The following GAPDH variants were observed in gnomAD, a reference collection of about 807,000 sequenced individuals.
The protein encoded by GAPDH is glyceraldehyde-3-phosphate dehydrogenase.
GAPDH carries 13 observed loss-of-function variants against 31.2 expected under a neutral mutation model. That is an observed-to-expected ratio of 0.42 (90% confidence interval 0.27 to 0.66). The LOEUF is 0.66. Ranked by LOEUF, GAPDH falls within the 30% of genes least tolerant of loss-of-function variation. The pLI is 0.26. For synonymous variants in GAPDH, 211 were observed against 166.9 expected (o/e 1.26, Z -2.04); for missense variants, 300 against 443.7 (o/e 0.68, Z 2.91).
At position 6,538,208 on chromosome 12, in the gene GAPDH, G is replaced by C. The variant is rs1469465793; in HGVS notation, c.*38G>C. ...ACCAGCCCCAGCAAGAGCACAAGAG[G>C]AAGAGAGAGACCCTCACTGCTGGGG... On this transcript the variant is annotated 3_prime_UTR_variant, in exon 9 of 9. Transcript: ENST00000229239. 6.5e-7 allele frequency: 1 copy of C among 1,533,054 alleles called. No homozygotes were observed. Among genetic ancestry groups the C allele is most frequent in the Non-Finnish European group, 8.9e-7 (1 of 1,118,540 alleles). The allele number at this position is 1,533,054 out of a possible 1,614,324, so 95.0% of individuals were successfully genotyped here. A position where few individuals can be genotyped will look rare whatever the true frequency, so the allele number is the denominator to read the frequency against.
chr12:6,535,335 A>T (rs935042098), intron 2 of GAPDH: 1 of 994,144 alleles, frequency 1.0e-6, no homozygotes, highest in South Asian at 4.4e-5. Flanking sequence ...GGCAGCCGTT[A>T]GGAAAGCCTG....
chr12:6,535,053 C>T (rs1946431482), intron 2 of GAPDH, 192 bp downstream of exon 2: 1 of 795,014 alleles, frequency 1.3e-6, no homozygotes, highest in Non-Finnish European at 1.9e-6. Flanking sequence ...CAGCTCCGCC[C>T]TTGCGGCGCC....
At position 6,538,341 on chromosome 12, in the gene GAPDH, T is replaced by C. The variant is rs1448979776; in HGVS notation, c.*171T>C. 1.6e-6 allele frequency: 1 copy of C among 615,062 alleles called. No individual in the cohort carries two copies. The highest frequency in any genetic ancestry group is 2.9e-6 in the Non-Finnish European group (1 of 345,322). The allele number at this position is 615,062 out of a possible 1,614,324, so 38.1% of individuals were successfully genotyped here. A position where few individuals can be genotyped will look rare whatever the true frequency, so the allele number is the denominator to read the frequency against. ...GCCTAGGGAGCCGCACCTTGTCATG[T>C]ACCATCAATAAAGTACCCTGTGCTC... On this transcript the variant is annotated 3_prime_UTR_variant, in exon 9 of 9. Transcript: ENST00000229239.
chr12:6,537,819 A>G lies in GAPDH; in HGVS notation c.761A>G (p.Lys254Arg), dbSNP rs1946517407. Reference sequence around the variant, plus strand: ...ACCTGCCGTCTAGAAAAACCTGCCAAATATGATGACATCAAGAAGGTGGTG... The same window carrying G: ...ACCTGCCGTCTAGAAAAACCTGCCAGATATGATGACATCAAGAAGGTGGTG... ...DLTCRLEKPA[K>R]YDDIKKVVKQ... The change falls in exon 8 of 9, where the codon AAA (lysine) becomes AGA (arginine). Residue 254 changes from lysine (K) to arginine (R), a missense_variant. Lys to Arg is a conservative substitution (Grantham distance 26). Coordinates refer to ENST00000229239, the MANE Select transcript of GAPDH (RefSeq NM_002046.7). The surrounding 1 kb of genome is among the most constrained non-coding windows in gnomAD (Gnocchi z 4.9). 3 of 1,611,930 alleles carry G rather than the reference A, an allele frequency of 1.9e-6. No individual in the cohort carries two copies. The highest frequency in any genetic ancestry group is 2.5e-6 in the Non-Finnish European group (3 of 1,179,876).
chr12:6,537,667 C>T lies in GAPDH; in HGVS notation c.609C>T (p.Leu203=). ...GKLWRDGRGA[L]QNIIPASTGA... ...TGTGGCGTGATGGCCGCGGGGCTCT[C>T]CAGAACATCATCCCTGCCTCTACTG... Residue 203 remains leucine (L), a synonymous_variant, in exon 8 of 9, where the codon CTC becomes CTT. Coordinates refer to ENST00000229239, the MANE Select transcript of GAPDH (RefSeq NM_002046.7). The surrounding 1 kb of genome is among the most constrained non-coding windows in gnomAD (Gnocchi z 4.9). 6.2e-7 allele frequency: 1 copy of T among 1,611,466 alleles called. No homozygotes were observed. The highest frequency in any genetic ancestry group is 1.1e-5 in the South Asian group (1 of 90,982).
rs763380786 is a variant in GAPDH, at chr12:6,536,679, C to T, written c.130-5C>T. ...GCCCCTTCATACCCTCACGTATTCC[C>T]CCAGGTTTACATGTTCCAATATGAT... On this transcript the variant is annotated splice_polypyrimidine_tract_variant and splice_region_variant and intron_variant, in intron 3 of 8. Coordinates refer to ENST00000229239, the MANE Select transcript of GAPDH (RefSeq NM_002046.7). 1.2e-6 allele frequency: 2 copies of T among 1,607,424 alleles called. No homozygotes were observed. Among genetic ancestry groups the T allele is most frequent in the Non-Finnish European group, 1.7e-6 (2 of 1,177,716 alleles).
intron 2 of GAPDH, chr12:6,535,446 A>C (rs1424168778): frequency 1.0e-6 from 1 of 987,444 alleles, no homozygotes; most frequent in Non-Finnish European, 1.2e-6. Context: ...CCTCCGGGTG[A>C]TGCTTTTCCT....
At chr12:6,535,290 C>T (rs1487900462) in intron 2 of GAPDH, 2 of 1,008,504 alleles carry the variant, frequency 2.0e-6, no homozygotes, top group African/African-American at 3.4e-5. Flanking sequence ...TGCGGTAGAG[C>T]GGCCGCCATG....
chr12:6,534,655 C>CAT, intron 1 of GAPDH, 86 bp downstream of exon 1: 1 of 706,910 alleles, frequency 1.4e-6, no homozygotes. Context: ...GTTCGCGCCG[C>CAT]TGCGGGGTGG....
intron 2 of GAPDH, among the ~76,000 whole-genome samples, chr12:6,535,864 C>T (rs1453000446): frequency 2.0e-5 from 3 of 152,212 alleles, no homozygotes; most frequent in Non-Finnish European, 2.9e-5. Flanking sequence ...GGGCTCTCTC[C>T]CATCCCTTCT....
intron 2 of GAPDH, chr12:6,535,088 A>C (rs1012018503): frequency 3.9e-6 from 3 of 769,796 alleles, no homozygotes; most frequent in African/African-American, 1.9e-5. Context: ...TCCTTCCCCT[A>C]GTCCCCAGAA....
chr12:6,537,271 C>A lies in GAPDH; in HGVS notation c.444-38C>A. ...GCCAGCCTGGCACCCTATGGACACG[C>A]TCCCCTGACTTGCGCCCCGCTCCCT... On this transcript the variant is annotated intron_variant, in intron 6 of 8. Transcript: ENST00000229239. This position sits in a 1 kb window ranked among gnomAD's most constrained non-coding sequence, Gnocchi z 4.9. 6.3e-7 allele frequency: 1 copy of A among 1,598,292 alleles called. No homozygotes were observed. The highest frequency in any genetic ancestry group is 8.5e-7 in the Non-Finnish European group (1 of 1,176,448).
Position 6,537,257 on chromosome 12 carries a change from A to ACCCTATGGACACGCT in GAPDH, c.443+45_444-34dup. 3 of 1,596,588 alleles carry ACCCTATGGACACGCT rather than the reference A, an allele frequency of 1.9e-6. No individual in the cohort carries two copies. In the South Asian group the frequency reaches 3.5e-5, roughly 18 times the overall value. On this transcript the variant is annotated intron_variant, in intron 6 of 8. Coordinates refer to ENST00000229239, the MANE Select transcript of GAPDH (RefSeq NM_002046.7). This position sits in a 1 kb window ranked among gnomAD's most constrained non-coding sequence, Gnocchi z 4.9. The stretch of plus-strand genomic sequence containing the variant: ...CCCGTGGAGAAGCGGCCAGCCTGGC[A>ACCCTATGGACACGCT]CCCTATGGACACGCTCCCCTGACTT...
rs11549349 is a variant in GAPDH at position 6,537,121 on chromosome 12, C to T, written c.348C>T (p.Ala116=). The T allele has an allele frequency of 9.3e-6, 15 of 1,613,592 alleles. No individual in the cohort carries two copies. The African/African-American group carries it at 1.9e-4, about 20-fold the overall frequency. Residue 116 remains alanine (A), a synonymous_variant, in exon 6 of 9, where the codon GCC becomes GCT. Transcript: ENST00000229239. The surrounding 1 kb of genome is among the most constrained non-coding windows in gnomAD (Gnocchi z 4.9). The stretch of plus-strand genomic sequence containing the variant: ...TGTAGGCTCATTTGCAGGGGGGAGC[C>T]AAAAGGGTCATCATCTCTGCCCCCT... ...EKAGAHLQGG[A]KRVIISAPSA...
chr12:6,535,628 C>T (rs941751514), intron 2 of GAPDH, among the ~76,000 whole-genome samples: 6 of 152,156 alleles, frequency 3.9e-5, no homozygotes, highest in Non-Finnish European at 7.4e-5. Flanking sequence ...TGGCCCCTTC[C>T]TGCAGCGCCG....
Position 6,537,784 on chromosome 12 carries a change from G to A in GAPDH, c.726G>A (p.Val242=). ...AFRVPTANVS[V]VDLTCRLEKP... ...GTGTCCCCACTGCCAACGTGTCAGTGGTGGACCTGACCTGCCGTCTAGAAA... is the reference window on the plus strand; with the variant it reads ...GTGTCCCCACTGCCAACGTGTCAGTAGTGGACCTGACCTGCCGTCTAGAAA... The change falls in exon 8 of 9, where the codon GTG becomes GTA. Residue 242 remains valine (V), a synonymous_variant. Transcript: ENST00000229239. The surrounding 1 kb of genome is among the most constrained non-coding windows in gnomAD (Gnocchi z 4.9). 6.2e-7 allele frequency: 1 copy of A among 1,611,738 alleles called. No individual in the cohort carries two copies. The highest frequency in any genetic ancestry group is 1.7e-5 in the Admixed American group (1 of 60,008).
At chr12:6,535,415 A>G in intron 2 of GAPDH, 1 of 988,406 alleles carries the variant, frequency 1.0e-6, no homozygotes, top group Non-Finnish European at 1.2e-6. Flanking sequence ...AGGTGGAGCG[A>G]GGCTAGCTGG....
chr12:6,535,533 C>T, intron 2 of GAPDH: 2 of 816,560 alleles, frequency 2.4e-6, no homozygotes, highest in Non-Finnish European at 3.0e-6. Flanking sequence ...GGTGTGGTGG[C>T]TGTGGCATGG....
At chr12:6,535,439 C>T (rs1313749374) in intron 2 of GAPDH, 2 of 987,500 alleles carry the variant, frequency 2.0e-6, no homozygotes, top group African/African-American at 1.7e-5. Flanking sequence ...GATTTCTCCT[C>T]CGGGTGATGC....
Sources: gnomAD v4.1 joint callset for allele counts (sites outside exome capture counted in the v4.1 genomes callset) on GRCh38, gnomAD v4.1.1 for gene constraint, Gnocchi (gnomAD v3.1) non-coding constraint, MANE v1.5 for transcripts, NCBI Gene and HGNC (gene_info 2026-07-23, HGNC 2026-07-21) for gene names.